The following RAI2 variants were observed in gnomAD, a reference collection of about 807,000 sequenced individuals.
The protein encoded by RAI2 is retinoic acid induced 2, also known as retinoic acid-induced protein 2.
In RAI2, 5 loss-of-function variants were observed where a neutral mutation model predicts 15.3. The ratio of observed to expected loss-of-function variants is 0.33; its 90% CI spans 0.17 to 0.69. The LOEUF is 0.69. RAI2 is among the 30% of genes least tolerant of loss of function. RAI2 has a pLI of 0.69. For missense variants in RAI2, 424 were observed against 424.7 expected (o/e 1.00, Z 0.01); for synonymous variants, 191 against 184.0 (o/e 1.04, Z -0.31).
At chrX:17,824,135 A>G (rs1349883959) in intron 1 of RAI2, among the ~76,000 whole-genome samples, 5 of 112,952 alleles carry the variant, frequency 4.4e-5, no homozygotes, top group African/African-American at 1.6e-4. Context: ...TGCATAGCAA[A>G]TGTCTGCAAA....
chrX:17,810,508 A>G lies in RAI2; in HGVS notation c.-24-8474T>C, dbSNP rs370180683. Among the ~76,000 whole-genome samples the G allele has an allele frequency of 6.2e-5, 7 of 112,748 alleles. No individual in the cohort carries two copies. The East Asian group carries it at 2.0e-3, about 32-fold the overall frequency. On this transcript the variant is annotated intron_variant, in intron 1 of 1. Coordinates refer to ENST00000451717, the MANE Select transcript of RAI2 (RefSeq NM_021785.6). Reference sequence around the variant, plus strand: ...TGACTGTTGGAATGTTGTTTTATACATCTGGGACTCAGTTTCCTCTTTTGT... The same window carrying G: ...TGACTGTTGGAATGTTGTTTTATACGTCTGGGACTCAGTTTCCTCTTTTGT...
chrX:17,808,903 A>G (rs2067011190), intron 1 of RAI2, among the ~76,000 whole-genome samples: 1 of 112,520 alleles, frequency 8.9e-6, no homozygotes, highest in Non-Finnish European at 1.9e-5. Flanking sequence ...CTACATGTAC[A>G]TGGTTTTACC....
intron 1 of RAI2, among the ~76,000 whole-genome samples, chrX:17,840,381 A>T (rs908572773): frequency 7.2e-5 from 8 of 111,367 alleles, no homozygotes; most frequent in Middle Eastern, 4.6e-3. Context: ...TGGTGGACAA[A>T]ATGCTCATCC....
At chrX:17,847,965 T>A (rs2067483063) in intron 1 of RAI2, among the ~76,000 whole-genome samples, 1 of 111,598 alleles carries the variant, frequency 9.0e-6, no homozygotes, top group African/African-American at 3.3e-5. Flanking sequence ...AAAATGGAAG[T>A]ATTAAAAGCC....
At chrX:17,829,080 T>C (rs1217455261) in intron 1 of RAI2, among the ~76,000 whole-genome samples, 3 of 110,803 alleles carry the variant, frequency 2.7e-5, no homozygotes, top group East Asian at 5.7e-4. Context: ...TCAGGAGCAG[T>C]AGAATGTCCT....
intron 1 of RAI2, among the ~76,000 whole-genome samples, chrX:17,839,708 G>A (rs905346588): frequency 8.9e-6 from 1 of 112,364 alleles, no homozygotes; most frequent in African/African-American, 3.2e-5. Context: ...GCACAAGCAG[G>A]TTTATCACAG....
chrX:17,832,728 G>A (rs754429375), intron 1 of RAI2, among the ~76,000 whole-genome samples: 1 of 112,140 alleles, frequency 8.9e-6, no homozygotes, highest in African/African-American at 3.2e-5. Flanking sequence ...AGGTCCCCCT[G>A]CCTGTCGGTT....
At chrX:17,845,389 G>A (rs1054661065) in intron 1 of RAI2, among the ~76,000 whole-genome samples, 1 of 112,558 alleles carries the variant, frequency 8.9e-6, no homozygotes, top group African/African-American at 3.2e-5. Context: ...GAGTTCAGGT[G>A]CCACCACGAG....
intron 1 of RAI2, among the ~76,000 whole-genome samples, chrX:17,805,991 C>G (rs1407767809): frequency 8.9e-6 from 1 of 112,325 alleles, no homozygotes; most frequent in Non-Finnish European, 1.9e-5. Flanking sequence ...CCAGCAAGCA[C>G]CCCACTCTGA....
intron 1 of RAI2, among the ~76,000 whole-genome samples, chrX:17,847,339 C>A (rs1021659504): frequency 5.4e-5 from 6 of 111,830 alleles, no homozygotes; most frequent in African/African-American, 2.0e-4. Context: ...CCATCCCCCA[C>A]CCTCCAGTAC....
intron 1 of RAI2, among the ~76,000 whole-genome samples, chrX:17,816,001 T>C (rs1254582675): frequency 1.8e-5 from 2 of 109,914 alleles, no homozygotes; most frequent in Admixed American, 1.9e-4. Context: ...CTCCTCCTCC[T>C]CCTCCTCTTT....
rs2147202501 is a variant in RAI2, at chrX:17,800,821, A to G, written c.1190T>C (p.Met397Thr). The G allele has an allele frequency of 8.3e-7, 1 of 1,210,096 alleles. No homozygotes were observed. The highest frequency in any genetic ancestry group is 1.8e-5 in the South Asian group (1 of 56,801). Residue 397 changes from methionine to threonine, a missense_variant, in exon 2 of 2, where the codon ATG becomes ACG. Physicochemically the swap from Met to Thr is moderately conservative, Grantham distance 81 (BLOSUM62 -1). Coordinates refer to ENST00000451717, the MANE Select transcript of RAI2 (RefSeq NM_021785.6). ...APATSHEAPA[M>T]MDSHISSSDA... ...ACTGCTGCTGATGTGACTATCCATC[A>G]TGGCTGGGGCCTCATGGGACGTGGC...
At chrX:17,821,560 G>A (rs1294271923) in intron 1 of RAI2, among the ~76,000 whole-genome samples, 6 of 110,211 alleles carry the variant, frequency 5.4e-5, no homozygotes, top group Non-Finnish European at 1.1e-4. Flanking sequence ...GTGTTTGTGT[G>A]TGTGTGTAAG....
chrX:17,835,939 G>A (rs938690960), intron 1 of RAI2, among the ~76,000 whole-genome samples: 3 of 112,051 alleles, frequency 2.7e-5, no homozygotes, highest in Non-Finnish European at 5.6e-5. Context: ...TAACTTTATT[G>A]TTTTATTTTT....
At chrX:17,852,238 C>G (rs995284410) in intron 1 of RAI2, among the ~76,000 whole-genome samples, 1 of 112,233 alleles carries the variant, frequency 8.9e-6, no homozygotes, top group African/African-American at 3.2e-5. Flanking sequence ...ACAAGGAAGA[C>G]TTCAACTACT....
At position 17,801,429 on chromosome X, in the gene RAI2, G is replaced by T; in HGVS notation, c.582C>A (p.Ser194=). The T allele has an allele frequency of 8.6e-7, 1 of 1,160,726 alleles. No homozygotes were observed. The highest frequency in any genetic ancestry group is 1.8e-5 in the African/African-American group (1 of 55,943). The change falls in exon 2 of 2, where the codon TCC becomes TCA. Residue 194 remains serine, a synonymous_variant. Coordinates refer to ENST00000451717, the MANE Select transcript of RAI2 (RefSeq NM_021785.6). ...AGGGTGGGGGCCCGAGAGTGCCCTG[G>T]GAGGGAAACAAATTCTGGAGCACAG... The part of the protein sequence containing the change: ...FEAVLQNLFP[S]QGTLGPPPCQ...
At chrX:17,806,078 C>G (rs1212507224) in intron 1 of RAI2, among the ~76,000 whole-genome samples, 3 of 111,964 alleles carry the variant, frequency 2.7e-5, no homozygotes, top group Non-Finnish European at 5.6e-5. Flanking sequence ...GGGGCTAATA[C>G]TGGAAGCCTC....
intron 1 of RAI2, among the ~76,000 whole-genome samples, chrX:17,824,604 G>A: frequency 9.0e-6 from 1 of 111,446 alleles, no homozygotes; most frequent in East Asian, 2.8e-4. Context: ...ATTTTGAGCA[G>A]AGCAGCCCCC....
Position 17,801,913 on chromosome X carries a change from A to T in RAI2, c.98T>A (p.Ile33Asn). 8.3e-7 allele frequency: 1 copy of T among 1,210,887 alleles called. No individual in the cohort carries two copies. The highest frequency in any genetic ancestry group is 1.1e-6 in the Non-Finnish European group (1 of 895,296). Residue 33 changes from isoleucine to asparagine, a missense_variant, in exon 2 of 2, where the codon ATC becomes AAC. Physicochemically the swap from Ile to Asn is moderately radical, Grantham distance 149. Transcript: ENST00000451717. ...NRLENGMAQL[I>N]TTEAWNINST... ...GTTGATGTTCCAGGCCTCGGTGGTGATCAGCTGAGCCATGCCATTCTCCAG... is the reference window on the plus strand; with the variant it reads ...GTTGATGTTCCAGGCCTCGGTGGTGTTCAGCTGAGCCATGCCATTCTCCAG...
Sources: allele counts gnomAD v4.1 joint callset (sites outside exome capture counted in the v4.1 genomes callset), GRCh38; gene constraint gnomAD v4.1.1; transcripts MANE v1.5; gene names NCBI Gene and HGNC (gene_info 2026-07-23, HGNC 2026-07-21).